AFG3L2: variants seen among roughly 807,000 people sequenced by gnomAD.
The protein encoded by AFG3L2 is AFG3 like matrix AAA peptidase subunit 2, also known as mitochondrial inner membrane m-AAA protease component AFG3L2.
AFG3L2 carries 54 observed loss-of-function variants against 94.5 expected under a neutral mutation model. The observed-to-expected ratio is 0.57, with a 90% confidence interval of 0.46 to 0.72. AFG3L2 has a LOEUF of 0.72. AFG3L2 is among the 30% of genes least tolerant of loss of function. The pLI is 0.00. For synonymous variants in AFG3L2, 377 were observed against 365.5 expected (o/e 1.03, Z -0.36); for missense variants, 754 against 994.9 (o/e 0.76, Z 3.26).
chr18:12,343,808 G>A, intron 14 of AFG3L2: 1 of 421,092 alleles, frequency 2.4e-6, no homozygotes, highest in Admixed American at 3.6e-5. Flanking sequence ...TACCACTGTA[G>A]TGTGGAGATT....
intron 14 of AFG3L2, 147 bp downstream of exon 14, chr18:12,343,985 C>T (rs1908038390): frequency 1.4e-6 from 1 of 716,974 alleles, no homozygotes. Context: ...ACGGTTTGTG[C>T]AACTATGGTT....
At chr18:12,344,367 A>C (rs1908056467) in intron 13 of AFG3L2, 120 bp from the exon 14 acceptor site, 2 of 807,288 alleles carry the variant, frequency 2.5e-6, no homozygotes, top group Non-Finnish European at 4.2e-6. Flanking sequence ...TGAGCTGCCT[A>C]TCACAATCCA....
chr18:12,364,113 C>T (rs1908739228), intron 5 of AFG3L2, among the ~76,000 whole-genome samples: 1 of 152,182 alleles, frequency 6.6e-6, no homozygotes, highest in South Asian at 2.1e-4. Context: ...ATGAAGGTAA[C>T]CCTACACGAT....
intron 12 of AFG3L2, among the ~76,000 whole-genome samples, chr18:12,349,765 G>A (rs891389230): frequency 4.6e-5 from 7 of 151,674 alleles, no homozygotes; most frequent in East Asian, 1.9e-4. Flanking sequence ...AGGTTCAAGC[G>A]ATTCTCCTGC....
intron 5 of AFG3L2, among the ~76,000 whole-genome samples, chr18:12,365,548 C>T (rs1416460445): frequency 4.6e-5 from 7 of 152,142 alleles, no homozygotes; most frequent in Admixed American, 2.0e-4. Context: ...AGGATCTGTC[C>T]GATGTAAGCA....
chr18:12,360,896 C>T lies in AFG3L2; in HGVS notation c.628-845G>A, dbSNP rs530125881. On this transcript the variant is annotated intron_variant, in intron 6 of 16. Coordinates refer to ENST00000269143, the MANE Select transcript of AFG3L2 (RefSeq NM_006796.3). ...ACAATGTCACACTGCCTTTACACAACCATGAGGACACTGATTTTAACAGCT... is the reference window on the plus strand; with the variant it reads ...ACAATGTCACACTGCCTTTACACAATCATGAGGACACTGATTTTAACAGCT... Among the ~76,000 whole-genome samples the T allele has an allele frequency of 6.6e-5, 10 of 152,280 alleles. No individual in the cohort carries two copies. In the South Asian group the frequency reaches 2.1e-3, roughly 32 times the overall value.
chr18:12,366,171 C>A (rs1306336695), intron 5 of AFG3L2, among the ~76,000 whole-genome samples: 1 of 152,074 alleles, frequency 6.6e-6, no homozygotes, highest in Admixed American at 6.6e-5. Context: ...CCACTACGCC[C>A]GGCCACTGCA....
intron 15 of AFG3L2, among the ~76,000 whole-genome samples, chr18:12,338,362 G>C (rs1907822403): frequency 6.6e-6 from 1 of 152,234 alleles, no homozygotes; most frequent in Non-Finnish European, 1.5e-5. Flanking sequence ...CTCACGCTGA[G>C]AACATGTGAG....
intron 16 of AFG3L2, among the ~76,000 whole-genome samples, chr18:12,330,355 A>C (rs893920630): frequency 6.6e-6 from 1 of 150,608 alleles, no homozygotes; most frequent in Non-Finnish European, 1.5e-5. Context: ...AAATAGGAGG[A>C]GGCTGTGTAT....
At chr18:12,343,830 T>G (rs1908033526) in intron 14 of AFG3L2, 5 of 464,588 alleles carry the variant, frequency 1.1e-5, no homozygotes, top group Non-Finnish European at 2.0e-5. Flanking sequence ...TGAAAAACCC[T>G]TTGGCAAGAA....
At chr18:12,347,824 C>T (rs1458815483) in intron 13 of AFG3L2, among the ~76,000 whole-genome samples, 1 of 152,212 alleles carries the variant, frequency 6.6e-6, no homozygotes, top group Non-Finnish European at 1.5e-5. Context: ...GCTGGGATTA[C>T]AGGCGTGAGC....
At position 12,351,425 on chromosome 18, in the gene AFG3L2, C is replaced by T. The variant is rs747286053; in HGVS notation, c.1319-12G>A. On this transcript the variant is annotated splice_polypyrimidine_tract_variant and intron_variant, in intron 10 of 16. Transcript: ENST00000269143. Reference sequence around the variant, plus strand: ...TGTTGTATTAAAACCTGAAAGATAACAAAAATGCAAACACTATTAAATGAC... The same window carrying T: ...TGTTGTATTAAAACCTGAAAGATAATAAAAATGCAAACACTATTAAATGAC... 3.0e-5 allele frequency: 48 copies of T among 1,610,934 alleles called. No individual in the cohort carries two copies. Among genetic ancestry groups the T allele is most frequent in the Non-Finnish European group, 2.1e-5 (25 of 1,177,488 alleles).
intron 13 of AFG3L2, 97 bp from the exon 14 acceptor site, chr18:12,344,344 G>C: frequency 2.0e-6 from 2 of 1,012,508 alleles, no homozygotes; most frequent in Non-Finnish European, 3.1e-6. Context: ...TACCTAAAAT[G>C]GGGTTTGGAG....
At chr18:12,347,146 CAA>C (rs1257633707) in intron 13 of AFG3L2, among the ~76,000 whole-genome samples, 4 of 152,022 alleles carry the variant, frequency 2.6e-5, no homozygotes, top group Non-Finnish European at 5.9e-5. Context: ...AAAAACAAAA[CAA>C]AACAACAACA....
In AFG3L2 at chr18:12,376,979, C is replaced by T. The variant is rs1909180465; in HGVS notation, c.104G>A (p.Cys35Tyr). 2 of 1,460,052 alleles carry T rather than the reference C, an allele frequency of 1.4e-6. No individual in the cohort carries two copies. The highest frequency in any genetic ancestry group is 1.8e-6 in the Non-Finnish European group (2 of 1,110,452). The allele number at this position is 1,460,052 out of a possible 1,614,324, so 90.4% of individuals were successfully genotyped here. Residue 35 changes from cysteine to tyrosine, a missense_variant, in exon 1 of 17, where the codon TGC becomes TAC. Around this residue, in one of 4 missense-constraint regions of AFG3L2, gnomAD observed 236 missense variants for 214.0 expected, o/e 1.10. Transcript: ENST00000269143. ...PGGVGPGEQP[C>Y]LRTLYRFVTT... ...CCAGGTAGGACTCACCGTCCGGAGG[C>T]AGGGCTGCTCGCCCGGGCCCACGCC...
chr18:12,375,973 C>T (rs1479820945), intron 1 of AFG3L2, among the ~76,000 whole-genome samples: 1 of 152,132 alleles, frequency 6.6e-6, no homozygotes, highest in African/African-American at 2.4e-5. Flanking sequence ...GAAGCAAAAC[C>T]CCGTCTCTTA....
Position 12,355,210 on chromosome 18 carries a change from A to T in AFG3L2, c.1164+1484T>A, listed in dbSNP as rs1354738859. On this transcript the variant is annotated intron_variant, in intron 9 of 16. Transcript: ENST00000269143. Reference sequence around the variant, plus strand: ...CAAGACTCCATCTCAAAAAAAATTAAAAAAAAAAAAAAAGAACTCTTACAA... The same window carrying T: ...CAAGACTCCATCTCAAAAAAAATTATAAAAAAAAAAAAAGAACTCTTACAA... Among the ~76,000 whole-genome samples, 11 of 17,614 alleles carry T rather than the reference A, an allele frequency of 6.2e-4. No individual in the cohort carries two copies. The South Asian group carries it at 0.025, about 41-fold the overall frequency. 11.6% of individuals were successfully genotyped at this position (17,614 alleles called of 152,430 possible).
At chr18:12,339,172 C>T (rs879471449) in intron 15 of AFG3L2, among the ~76,000 whole-genome samples, 4 of 123,368 alleles carry the variant, frequency 3.2e-5, no homozygotes, top group Admixed American at 1.1e-4. Context: ...ACCTGGCAGG[C>T]GGAGCTTGCA....
chr18:12,349,652 AC>A (rs1212937938), intron 12 of AFG3L2, among the ~76,000 whole-genome samples: 3 of 151,674 alleles, frequency 2.0e-5, no homozygotes, highest in African/African-American at 4.9e-5. Flanking sequence ...GGCACAAAAG[AC>A]CACATGTTTT....
Sources: allele counts gnomAD v4.1 joint callset (sites outside exome capture counted in the v4.1 genomes callset), GRCh38; gene constraint gnomAD v4.1.1; regional missense constraint gnomAD v4.1.1; transcripts MANE v1.5; gene names NCBI Gene and HGNC (gene_info 2026-07-23, HGNC 2026-07-21).